IFT57: variants seen among roughly 807,000 people sequenced by gnomAD.
IFT57 encodes the protein intraflagellar transport 57.
Under a neutral mutation model 56.8 loss-of-function variants are expected in IFT57, and 59 were observed. The observed-to-expected ratio is 1.04, with a 90% CI of 0.84 to 1.29. The LOEUF is 1.29. IFT57 is among the 50% of genes most tolerant of loss of function. The pLI, the probability that IFT57 is intolerant of heterozygous loss-of-function variation, is 0.00. For missense variants in IFT57, 470 were observed against 522.1 expected, an observed-to-expected ratio of 0.90 and a Z score of 0.97; for synonymous variants, 209 against 186.1, an observed-to-expected ratio of 1.12 and a Z score of -1.00.
chr3:108,217,877 T>C (rs2080381562), intron 3 of IFT57, among the ~76,000 whole-genome samples: 1 of 152,026 alleles, frequency 6.6e-6, no homozygotes, highest in Non-Finnish European at 1.5e-5. Flanking sequence ...CTATTTCATC[T>C]ATATGCTCAA....
rs1560122716 is a variant in IFT57, at chr3:108,206,072, ATAT to A, written c.654+553_654+555del. 4.0e-3 allele frequency among the ~76,000 whole-genome samples: 528 copies of A among 130,372 alleles called. 4 individuals are homozygous for A. The highest frequency in any genetic ancestry group is 0.015 in the African/African-American group (507 of 34,634). 85.5% of individuals were successfully genotyped at this position (130,372 alleles called of 152,430 possible). A position where few individuals can be genotyped will look rare whatever the true frequency, so the allele number is the denominator to read the frequency against. On this transcript the variant is annotated intron_variant, in intron 5 of 10. Coordinates refer to ENST00000264538, the MANE Select transcript of IFT57 (RefSeq NM_018010.4). ...TTATATATTATTTATATATAATAAT[ATAT>A]TATATATAAATAATATATATTGATA...
chr3:108,165,924 A>G (rs1392667034), intron 8 of IFT57, among the ~76,000 whole-genome samples: 4 of 152,094 alleles, frequency 2.6e-5, no homozygotes, highest in Non-Finnish European at 5.9e-5. Flanking sequence ...CAGTACACTC[A>G]ACTGGAGTAT....
At position 108,205,829 on chromosome 3, in the gene IFT57, T is replaced by C. The variant is rs1354583577; in HGVS notation, c.654+799A>G. On this transcript the variant is annotated intron_variant, in intron 5 of 10. Transcript: ENST00000264538. ...ATTATAGCATATTATATATTATTTA[T>C]ATATTATTTAATTAATTTAACATAT... 2.6e-5 allele frequency among the ~76,000 whole-genome samples: 3 copies of C among 115,128 alleles called. No homozygotes were observed. In the Admixed American group the frequency reaches 2.8e-4, roughly 11 times the overall value. The allele number at this position is 115,128 out of a possible 152,430, so 75.5% of individuals were successfully genotyped here. A position where few individuals can be genotyped will look rare whatever the true frequency, so the allele number is the denominator to read the frequency against.
chr3:108,172,820 T>C (rs915788460), intron 6 of IFT57, among the ~76,000 whole-genome samples: 2 of 151,794 alleles, frequency 1.3e-5, no homozygotes, highest in African/African-American at 2.4e-5. Context: ...TTAGGGAAGT[T>C]AAAAATACTA....
chr3:108,190,345 T>C (rs1576039705), intron 6 of IFT57, among the ~76,000 whole-genome samples: 1 of 152,178 alleles, frequency 6.6e-6, no homozygotes. Flanking sequence ...CCAAATCTCA[T>C]CTTGAATTGT....
intron 5 of IFT57, among the ~76,000 whole-genome samples, chr3:108,192,892 T>A (rs543209634): frequency 1.5e-5 from 2 of 134,688 alleles, no homozygotes; most frequent in East Asian, 3.9e-4. Context: ...TATTTACAGA[T>A]GAATTGACAA....
At chr3:108,170,932 T>G (rs556383174) in intron 6 of IFT57, among the ~76,000 whole-genome samples, 63 of 151,914 alleles carry the variant, frequency 4.1e-4, no homozygotes, top group African/African-American at 1.3e-3. Flanking sequence ...AAAGTAATAA[T>G]TTTAAAAGAG....
At chr3:108,174,249 A>T (rs560148499) in intron 6 of IFT57, among the ~76,000 whole-genome samples, 174 of 151,854 alleles carry the variant, frequency 1.1e-3, no homozygotes, top group African/African-American at 4.0e-3. Flanking sequence ...GTGGCATTTT[A>T]AAAACATGAA....
intron 7 of IFT57, chr3:108,167,228 C>A: frequency 5.1e-6 from 2 of 390,358 alleles, no homozygotes; most frequent in South Asian, 3.8e-5. Flanking sequence ...ATTATACATA[C>A]CATAAAATTT....
intron 2 of IFT57, 28 bp from the exon 3 acceptor site, chr3:108,218,681 T>C: frequency 8.4e-7 from 1 of 1,192,660 alleles, no homozygotes; most frequent in East Asian, 2.6e-5. Flanking sequence ...AAACAGGGTA[T>C]TATTTGTTAG....
rs2080098181 is a variant in IFT57 at position 108,172,329 on chromosome 3, TG to T, written c.778-4466del. On this transcript the variant is annotated intron_variant, in intron 6 of 10. Coordinates refer to ENST00000264538, the MANE Select transcript of IFT57 (RefSeq NM_018010.4). ...AAACACAAAGTTCTTGGGGATGGGC[TG>T]GGGAGGATGGATCACAAGAAAATAA... Among the ~76,000 whole-genome samples the T allele has an allele frequency of 3.9e-5, 6 of 151,926 alleles. No individual in the cohort carries two copies. The South Asian group carries it at 1.2e-3, about 31-fold the overall frequency.
rs2080215292 is a variant in IFT57 at position 108,191,578 on chromosome 3, G to T, written c.720C>A (p.Ser240Arg). Residue 240 changes from serine (S) to arginine (R), a missense_variant, in exon 6 of 11, where the codon AGC becomes AGA. Ser to Arg is a moderately radical substitution (Grantham distance 110, BLOSUM62 -1). Coordinates refer to ENST00000264538, the MANE Select transcript of IFT57 (RefSeq NM_018010.4). ...GCGGTAGTACACGTTCCACTTCTAG[G>T]CTCCATTCTGCAGCATCTGTTGTGG... ...LESTTDAAEWSLEVERVLPQL... is the reference protein window; with the variant it reads ...LESTTDAAEWRLEVERVLPQL... 4 of 1,607,850 alleles carry T rather than the reference G, an allele frequency of 2.5e-6. No homozygotes were observed. In the South Asian group the frequency reaches 4.4e-5, roughly 18 times the overall value.
At chr3:108,169,868 C>T (rs1057116928) in intron 6 of IFT57, among the ~76,000 whole-genome samples, 3 of 151,954 alleles carry the variant, frequency 2.0e-5, no homozygotes, top group African/African-American at 7.2e-5. Context: ...AAATGTAATC[C>T]ATCACATAAA....
intron 6 of IFT57, among the ~76,000 whole-genome samples, chr3:108,188,235 G>C (rs1324912220): frequency 6.6e-6 from 1 of 152,294 alleles, no homozygotes; most frequent in East Asian, 1.9e-4. Flanking sequence ...ATGAGTCTGT[G>C]AGAAGAGAGC....
chr3:108,192,381 A>G (rs1020175416), intron 5 of IFT57, among the ~76,000 whole-genome samples: 8 of 152,100 alleles, frequency 5.3e-5, no homozygotes, highest in Non-Finnish European at 1.0e-4. Flanking sequence ...CTTGAACTCA[A>G]TTAGGGAGGG....
chr3:108,203,636 G>C (rs748104658), intron 5 of IFT57, among the ~76,000 whole-genome samples: 8 of 152,168 alleles, frequency 5.3e-5, no homozygotes, highest in Non-Finnish European at 8.8e-5. Context: ...ATTCAGGCAT[G>C]TATTCATACA....
intron 10 of IFT57, among the ~76,000 whole-genome samples, chr3:108,163,188 T>C (rs773225662): frequency 3.9e-5 from 6 of 152,102 alleles, no homozygotes; most frequent in Non-Finnish European, 7.4e-5. Flanking sequence ...CAATGGAGGA[T>C]GATTACCAGA....
chr3:108,177,886 A>C (rs2080132235), intron 6 of IFT57, among the ~76,000 whole-genome samples: 1 of 151,810 alleles, frequency 6.6e-6, no homozygotes, highest in Non-Finnish European at 1.5e-5. Context: ...ACAAAGAATG[A>C]CGATTGATGT....
chr3:108,167,232 A>C (rs1462958059), intron 7 of IFT57: 1 of 384,600 alleles, frequency 2.6e-6, no homozygotes, highest in Admixed American at 4.4e-5. Context: ...TACATACCAT[A>C]AAATTTATGT....
Sources: allele counts gnomAD v4.1 joint callset (sites outside exome capture counted in the v4.1 genomes callset), GRCh38; gene constraint gnomAD v4.1.1; transcripts MANE v1.5; gene names NCBI Gene and HGNC (gene_info 2026-07-23, HGNC 2026-07-21).